VIT: variants seen among roughly 807,000 people sequenced by gnomAD.
The protein encoded by VIT is vitrin.
Under a neutral mutation model 78.0 loss-of-function variants are expected in VIT, and 99 were observed. The observed-to-expected ratio is 1.27, with a 90% confidence interval of 1.08 to 1.50. VIT has a LOEUF of 1.50. Ranked by LOEUF, VIT falls within the 40% of genes most tolerant of loss-of-function variation. VIT has a pLI of 0.00. For missense variants in VIT, 1,126 were observed against 875.3 expected (o/e 1.29, Z -3.61); for synonymous variants, 374 against 334.3 (o/e 1.12, Z -1.29).
chr2:36,754,791 C>T, intron 4 of VIT, 130 bp from the exon 5 acceptor site: 2 of 999,266 alleles, frequency 2.0e-6, no homozygotes, highest in East Asian at 2.8e-5. Flanking sequence ...GGCTTCATGT[C>T]AAGGTAAACT....
At chr2:36,779,353 G>C (rs145244988) in intron 9 of VIT, among the ~76,000 whole-genome samples, 2 of 152,312 alleles carry the variant, frequency 1.3e-5, no homozygotes, top group East Asian at 3.9e-4. Context: ...TTAATACGTA[G>C]AAAGTGCTCA....
chr2:36,761,306 G>A (rs756834288), intron 6 of VIT, among the ~76,000 whole-genome samples: 9 of 152,120 alleles, frequency 5.9e-5, no homozygotes, highest in Non-Finnish European at 1.2e-4. Context: ...CCCTCTAAAA[G>A]GTGGCTTCTG....
At position 36,718,073 on chromosome 2, in the gene VIT, G is replaced by T. The variant is rs532736846; in HGVS notation, c.52+1651G>T. On this transcript the variant is annotated intron_variant, in intron 2 of 15. Coordinates refer to ENST00000379242, the MANE Select transcript of VIT (RefSeq NM_053276.4). ...TCTGCACATTTTCCCTTTTTATAAT[G>T]ACATCAGTCATATTGGATTAGAGGT... is the stretch of plus-strand genomic sequence containing the variant. Among the ~76,000 whole-genome samples the T allele has an allele frequency of 3.2e-4, 49 of 152,098 alleles. 1 individual carries two copies. The highest frequency in any genetic ancestry group is 3.0e-3 in the Admixed American group (46 of 15,292).
chr2:36,724,528 G>C (rs541208963), intron 2 of VIT, among the ~76,000 whole-genome samples: 2 of 152,212 alleles, frequency 1.3e-5, no homozygotes, highest in Non-Finnish European at 2.9e-5. Flanking sequence ...TGTAGCAAGA[G>C]GGGGATTGCT....
At chr2:36,777,076 G>A (rs539077188) in intron 9 of VIT, among the ~76,000 whole-genome samples, 88 of 51,822 alleles carry the variant, frequency 1.7e-3, no homozygotes, top group South Asian at 6.8e-3. Flanking sequence ...GCGACAGAGC[G>A]AGACTCTGTC....
At chr2:36,775,127 A>C (rs1479630462) in intron 9 of VIT, 60 bp downstream of exon 9, 1 of 1,592,892 alleles carries the variant, frequency 6.3e-7, no homozygotes, top group Non-Finnish European at 8.6e-7. Flanking sequence ...GGCACTTTGC[A>C]AACATGAGGA....
chr2:36,737,033 G>T (rs74569714), intron 3 of VIT, among the ~76,000 whole-genome samples: 2,785 of 152,098 alleles, frequency 0.018, 77 homozygotes, highest in African/African-American at 0.062. Context: ...TATGGACAAA[G>T]GAACAACAAC....
chr2:36,706,688 C>A (rs1362469962), intron 1 of VIT, among the ~76,000 whole-genome samples: 1 of 152,204 alleles, frequency 6.6e-6, no homozygotes, highest in Admixed American at 6.5e-5. Flanking sequence ...AGATCACAAG[C>A]TTTTGACCAG....
intron 6 of VIT, among the ~76,000 whole-genome samples, chr2:36,764,334 T>C (rs1251348040): frequency 6.6e-6 from 1 of 152,202 alleles, no homozygotes; most frequent in Non-Finnish European, 1.5e-5. Flanking sequence ...CTAGATGAAG[T>C]AGGTCAAACC....
chr2:36,711,014 A>G (rs1665767978), intron 1 of VIT, among the ~76,000 whole-genome samples: 1 of 152,168 alleles, frequency 6.6e-6, no homozygotes, highest in East Asian at 1.9e-4. Context: ...TAGTTGTACC[A>G]TTTTACCTTC....
intron 3 of VIT, among the ~76,000 whole-genome samples, chr2:36,732,535 CT>C (rs200328680): frequency 1.3e-5 from 2 of 151,672 alleles, no homozygotes; most frequent in East Asian, 1.9e-4. Context: ...CATTTTCTTT[CT>C]TTTTTTTTCT....
chr2:36,783,197 G>A, intron 10 of VIT, 143 bp from the exon 11 acceptor site: 1 of 625,126 alleles, frequency 1.6e-6, no homozygotes, highest in Admixed American at 2.8e-5. Context: ...TTCTCAGGAT[G>A]GGGGTGATGT....
intron 7 of VIT, among the ~76,000 whole-genome samples, chr2:36,772,828 A>G (rs1369324532): frequency 2.0e-5 from 3 of 152,204 alleles, no homozygotes; most frequent in Non-Finnish European, 2.9e-5. Context: ...ACAAATTGAT[A>G]TTTTTTTCCA....
chr2:36,757,665 A>G (rs1396723391), intron 5 of VIT, among the ~76,000 whole-genome samples: 1 of 152,226 alleles, frequency 6.6e-6, no homozygotes, highest in Non-Finnish European at 1.5e-5. Flanking sequence ...GAGGTAAAGT[A>G]ATGCAAGTAA....
At chr2:36,733,404 G>C (rs1667324123) in intron 3 of VIT, among the ~76,000 whole-genome samples, 1 of 152,182 alleles carries the variant, frequency 6.6e-6, no homozygotes, top group South Asian at 2.1e-4. Flanking sequence ...TCCTGGGAGA[G>C]AGAATCTAAT....
intron 3 of VIT, among the ~76,000 whole-genome samples, chr2:36,738,060 G>A (rs1020751891): frequency 1.3e-5 from 2 of 152,174 alleles, no homozygotes; most frequent in African/African-American, 4.8e-5. Flanking sequence ...TTACTTTGCA[G>A]GTATTTGGGG....
At chr2:36,706,797 G>C (rs1368111325) in intron 1 of VIT, among the ~76,000 whole-genome samples, 1 of 152,200 alleles carries the variant, frequency 6.6e-6, no homozygotes, top group Non-Finnish European at 1.5e-5. Context: ...AAAGTGAAAA[G>C]TACTATGCAA....
chr2:36,718,114 A>G (rs998544083), intron 2 of VIT, among the ~76,000 whole-genome samples: 1 of 152,230 alleles, frequency 6.6e-6, no homozygotes, highest in Non-Finnish European at 1.5e-5. Context: ...CTACTCCAGT[A>G]TGACCTCATC....
At chr2:36,791,820 C>T (rs997625209) in intron 12 of VIT, among the ~76,000 whole-genome samples, 1 of 152,196 alleles carries the variant, frequency 6.6e-6, no homozygotes, top group East Asian at 1.9e-4. Context: ...CCGGAACTCT[C>T]AACTAAGTTT....
Sources: allele counts gnomAD v4.1 joint callset (sites outside exome capture counted in the v4.1 genomes callset), GRCh38; gene constraint gnomAD v4.1.1; transcripts MANE v1.5; gene names NCBI Gene and HGNC (gene_info 2026-07-23, HGNC 2026-07-21).